Variants in ZP2 observed in about 807,000 individuals in gnomAD.
ZP2 encodes zona pellucida sperm-binding protein 2.
A neutral mutation model predicts 84.0 loss-of-function variants in ZP2; 51 were observed. The observed-to-expected ratio is 0.61, with a 90% CI of 0.49 to 0.77. The LOEUF (loss-of-function observed/expected upper bound fraction) is 0.77, where lower values mean the gene tolerates loss of function less well. ZP2 is among the 30% of genes least tolerant of loss of function. The probability of loss-of-function intolerance (pLI) is 0.00; values close to 1 mark genes in which losing one functional copy is unlikely to be tolerated. For synonymous variants in ZP2, 375 were observed against 330.9 expected, an observed-to-expected ratio of 1.13 and a Z score of -1.45; for missense variants, 909 against 911.9, an observed-to-expected ratio of 1.00 and a Z score of 0.04.
In ZP2 at chr16:21,199,585, A is replaced by G; in HGVS notation, c.1912T>C (p.Ser638Pro). ...AAGTTTTTACCTCGCCTGTGCCTAGAGGACACAGGGCAGGTCACAGAACAC... is the reference window on the plus strand; with the variant it reads ...AAGTTTTTACCTCGCCTGTGCCTAGGGGACACAGGGCAGGTCACAGAACAC... ...PLCSVTCPVS[S>P]RHRRATGATE... Residue 638 changes from serine to proline, a missense_variant, in exon 16 of 19, where the codon TCT becomes CCT. Ser to Pro is a moderately conservative substitution (Grantham distance 74). Coordinates refer to ENST00000574091, the MANE Select transcript of ZP2 (RefSeq NM_001376232.1). 1 of 1,606,336 alleles carries G rather than the reference A, an allele frequency of 6.2e-7. No homozygotes were observed. The highest frequency in any genetic ancestry group is 8.5e-7 in the Non-Finnish European group (1 of 1,177,370).
intron 2 of ZP2, 80 bp from the exon 3 acceptor site, chr16:21,210,272 ATG>A: frequency 9.0e-7 from 1 of 1,105,898 alleles, no homozygotes; most frequent in Non-Finnish European, 1.4e-6. Flanking sequence ...CTCCTCTCAG[ATG>A]GGAGGGATTC....
intron 4 of ZP2, among the ~76,000 whole-genome samples, chr16:21,207,461 C>T (rs187997695): frequency 9.0e-4 from 137 of 152,178 alleles, no homozygotes; most frequent in African/African-American, 3.1e-3. Flanking sequence ...ACATGAAATC[C>T]ATAGCATATT....
At chr16:21,208,531 C>G (rs920852016) in intron 4 of ZP2, among the ~76,000 whole-genome samples, 2 of 152,242 alleles carry the variant, frequency 1.3e-5, no homozygotes, top group South Asian at 2.1e-4. Context: ...CAGAACTCAC[C>G]CCAGGCCTAT....
intron 4 of ZP2, among the ~76,000 whole-genome samples, chr16:21,207,361 C>CGTAA (rs2093254601): frequency 6.6e-6 from 1 of 152,110 alleles, no homozygotes; most frequent in Non-Finnish European, 1.5e-5. Context: ...CTTGCTATTA[C>CGTAA]CCCTGACCTT....
chr16:21,206,775 G>T (rs2093251609), intron 5 of ZP2, 63 bp downstream of exon 5: 3 of 1,600,544 alleles, frequency 1.9e-6, no homozygotes, highest in Admixed American at 3.3e-5. Context: ...GCCCTGGTTA[G>T]ATCATCATCA....
chr16:21,200,370 G>A (rs533812160), intron 14 of ZP2, among the ~76,000 whole-genome samples: 4 of 152,300 alleles, frequency 2.6e-5, no homozygotes, highest in East Asian at 1.9e-4. Flanking sequence ...TCTGGGAGGC[G>A]GAGGTTGCAG....
intron 4 of ZP2, among the ~76,000 whole-genome samples, chr16:21,208,437 C>T (rs1852461274): frequency 1.3e-5 from 2 of 152,172 alleles, no homozygotes. Flanking sequence ...AGAGTAGGGT[C>T]TAAGACTGTA....
intron 14 of ZP2, among the ~76,000 whole-genome samples, chr16:21,200,935 A>G (rs1457496920): frequency 6.6e-6 from 1 of 152,158 alleles, no homozygotes; most frequent in East Asian, 1.9e-4. Context: ...GTGGTGGTTC[A>G]CACCTGTAAT....
upstream of ZP2, chr16:21,211,642 G>A (rs1435500878): frequency 6.2e-7 from 1 of 1,604,510 alleles, no homozygotes; most frequent in Non-Finnish European, 8.5e-7. Context: ...CTCCCCATTG[G>A]GGGCACCTGA....
chr16:21,206,790 C>A (rs781439995), intron 5 of ZP2, 48 bp downstream of exon 5: 103 of 1,609,932 alleles, frequency 6.4e-5, no homozygotes, highest in Non-Finnish European at 8.4e-5. Flanking sequence ...TCATCATATT[C>A]CCCCTGCAGT....
upstream of ZP2, chr16:21,211,700 T>TTGGGGAA (rs1483761089): frequency 1.3e-6 from 2 of 1,532,272 alleles, no homozygotes; most frequent in Admixed American, 3.9e-5. Context: ...GGGAAGGAAG[T>TTGGGGAA]GGCCTCTGAT....
chr16:21,213,719 G>C (rs1258997212), upstream of ZP2, among the ~76,000 whole-genome samples: 1 of 152,092 alleles, frequency 6.6e-6, no homozygotes, highest in Non-Finnish European at 1.5e-5. Context: ...ACATCCCAGC[G>C]GAATTGGGAA....
At chr16:21,209,500 A>G (rs1477753619) in intron 4 of ZP2, 131 bp downstream of exon 4, 1 of 711,652 alleles carries the variant, frequency 1.4e-6, no homozygotes. Flanking sequence ...GAAGAGCCAC[A>G]CACGAGACAC....
chr16:21,198,698 T>TA, intron 17 of ZP2, 81 bp downstream of exon 17: 6 of 1,143,538 alleles, frequency 5.2e-6, no homozygotes, highest in Non-Finnish European at 7.8e-6. Context: ...CACGGGTACA[T>TA]AGTATATGTA....
rs776151511 is a variant in ZP2 at position 21,197,552 on chromosome 16, G to GGCAGCCACA, written c.2157_2165dup (p.Val720_Ala722dup). 3 of 1,614,116 alleles carry GGCAGCCACA rather than the reference G, an allele frequency of 1.9e-6. No individual in the cohort carries two copies. Among genetic ancestry groups the GGCAGCCACA allele is most frequent in the East Asian group, 4.5e-5 (2 of 44,888 alleles). Reference sequence around the variant, plus strand: ...CTAGAGTTGCCACCACACCTGCAAAGGCAGCCACAGCAGCCACAGCTTTGG... The same window carrying GGCAGCCACA: ...CTAGAGTTGCCACCACACCTGCAAAGGCAGCCACAGCAGCCACAGCAGCCACAGCTTTGG... On this transcript the variant is annotated inframe_insertion, in exon 19 of 19. Transcript: ENST00000574091.
chr16:21,211,253 C>T, intron 2 of ZP2, 54 bp downstream of exon 2: 1 of 1,541,598 alleles, frequency 6.5e-7, no homozygotes. Flanking sequence ...CTAGGCCTTC[C>T]AGCTGCAACC....
chr16:21,201,390 TG>T lies in ZP2; in HGVS notation c.1672del (p.Gln558SerfsTer27). The part of the protein sequence containing the change: ...TSTMDPDSFP[Q>X]WNVVVDGCAY... ...CTACCCATCCACGACAACGTTCCAC[TG>T]GGGGAAAGAGTCTGGATCCATGGTG... is the stretch of plus-strand genomic sequence containing the variant. On this transcript the variant is annotated frameshift_variant, in exon 14 of 19. Transcript: ENST00000574091. LOFTEE classifies it high-confidence loss of function. 2 of 1,586,484 alleles carry T rather than the reference TG, an allele frequency of 1.3e-6. No homozygotes were observed. The highest frequency in any genetic ancestry group is 1.2e-5 in the South Asian group (1 of 86,522).
In ZP2 at chr16:21,197,915, A is replaced by C. The variant is rs181783607; in HGVS notation, c.2012-66T>G. On this transcript the variant is annotated intron_variant, in intron 17 of 18. Coordinates refer to ENST00000574091, the MANE Select transcript of ZP2 (RefSeq NM_001376232.1). ...AGTCGATGTGGTTAGCTGTCCCCTGAGGGTGTGATCCCACAGGTTGTTCAT... is the reference window on the plus strand; with the variant it reads ...AGTCGATGTGGTTAGCTGTCCCCTGCGGGTGTGATCCCACAGGTTGTTCAT... 974 of 1,493,508 alleles carry C rather than the reference A, an allele frequency of 6.5e-4. 6 individuals carry two copies. The African/African-American group carries it at 0.011, about 16-fold the overall frequency. The allele number at this position is 1,493,508 out of a possible 1,614,324, so 92.5% of individuals were successfully genotyped here. A position where few individuals can be genotyped will look rare whatever the true frequency, so the allele number is the denominator to read the frequency against.
chr16:21,212,336 T>C (rs1174431408), upstream of ZP2, among the ~76,000 whole-genome samples: 1 of 152,166 alleles, frequency 6.6e-6, no homozygotes, highest in East Asian at 1.9e-4. Context: ...CCCCCAAGTG[T>C]AAAAGCTTAA....
Sources: allele counts gnomAD v4.1 joint callset (sites outside exome capture counted in the v4.1 genomes callset), GRCh38; gene constraint gnomAD v4.1.1; transcripts MANE v1.5; gene names NCBI Gene and HGNC (gene_info 2026-07-23, HGNC 2026-07-21).